The following PDE8A variants were observed in gnomAD, a reference collection of about 807,000 sequenced individuals.
PDE8A encodes the protein high affinity cAMP-specific and IBMX-insensitive 3',5'-cyclic phosphodiesterase 8A.
A neutral mutation model predicts 105.0 loss-of-function variants in PDE8A; 59 were observed. That is an observed-to-expected ratio of 0.56 (90% CI 0.46 to 0.70). PDE8A has a LOEUF of 0.70. Among genes scored for constraint, PDE8A ranks in the 30% least tolerant of loss-of-function variants. The pLI is 0.00. For missense variants in PDE8A, 1,014 were observed against 1,045.9 expected (o/e 0.97, Z 0.42); for synonymous variants, 355 against 371.9 (o/e 0.95, Z 0.52).
chr15:85,106,401 A>G (rs1307979347), intron 11 of PDE8A, among the ~76,000 whole-genome samples: 1 of 152,182 alleles, frequency 6.6e-6, no homozygotes, highest in Non-Finnish European at 1.5e-5. Flanking sequence ...TTCATGGACT[A>G]TACCTCATTC....
intron 20 of PDE8A, among the ~76,000 whole-genome samples, chr15:85,135,647 T>G (rs12324715): frequency 0.07 from 10,582 of 152,218 alleles, 769 homozygotes; most frequent in African/African-American, 0.17. Flanking sequence ...TTCTAAAGAA[T>G]GCACTCAGGA....
intron 11 of PDE8A, among the ~76,000 whole-genome samples, chr15:85,106,665 A>G (rs1382803587): frequency 2.0e-5 from 3 of 152,210 alleles, no homozygotes; most frequent in Non-Finnish European, 2.9e-5. Flanking sequence ...TGTCTCAGAC[A>G]GAAGGAGCCG....
intron 1 of PDE8A, among the ~76,000 whole-genome samples, chr15:85,051,810 A>G (rs2080978597): frequency 6.6e-6 from 1 of 152,090 alleles, no homozygotes. Context: ...TTATGGCTGC[A>G]CATACATGGC....
chr15:85,137,108 A>T (rs141552083), intron 21 of PDE8A, among the ~76,000 whole-genome samples: 40 of 152,224 alleles, frequency 2.6e-4, no homozygotes, highest in African/African-American at 9.6e-4. Context: ...CAAATAAAAG[A>T]ATATCGGAGA....
chr15:85,042,805 C>A (rs893994648), intron 1 of PDE8A, among the ~76,000 whole-genome samples: 3 of 152,172 alleles, frequency 2.0e-5, no homozygotes, highest in African/African-American at 7.2e-5. Flanking sequence ...TTAATCTTCA[C>A]AATCACTATT....
chr15:85,079,436 A>C (rs962088490), intron 5 of PDE8A, among the ~76,000 whole-genome samples: 1 of 152,218 alleles, frequency 6.6e-6, no homozygotes, highest in African/African-American at 2.4e-5. Context: ...ATAGTAAAGA[A>C]ATCTATGTCT....
chr15:84,989,015 A>G (rs1326097861), intron 1 of PDE8A, among the ~76,000 whole-genome samples: 2 of 152,198 alleles, frequency 1.3e-5, no homozygotes, highest in African/African-American at 4.8e-5. Flanking sequence ...AAGCTAAAAT[A>G]CCCTTAAGCC....
chr15:85,075,986 A>G lies in PDE8A; in HGVS notation c.491+68A>G, dbSNP rs2081374869. ...TAATACTTGCTCTTAACAGATGGCC[A>G]AATAACAGCTTGCATGCTGTGTCAG... is the stretch of plus-strand genomic sequence containing the variant. On this transcript the variant is annotated intron_variant, in intron 4 of 21. Coordinates refer to ENST00000394553, the MANE Select transcript of PDE8A (RefSeq NM_002605.3). 2.6e-5 allele frequency: 21 copies of G among 811,594 alleles called. No individual in the cohort carries two copies. The East Asian group carries it at 5.4e-4, about 21-fold the overall frequency. The allele number at this position is 811,594 out of a possible 1,614,324, so 50.3% of individuals were successfully genotyped here. A position where few individuals can be genotyped will look rare whatever the true frequency, so the allele number is the denominator to read the frequency against.
chr15:85,089,514 T>C lies in PDE8A; in HGVS notation c.714+98T>C, dbSNP rs150366778. On this transcript the variant is annotated intron_variant, in intron 7 of 21. Transcript: ENST00000394553. ...CCAATATGATTTTTTTTTTTCTTTT[T>C]GAAGTTTAGGAGACCAGTTTTTCCT... The C allele has an allele frequency of 3.0e-3, 1,874 of 629,524 alleles. 8 individuals are homozygous for C. The highest frequency in any genetic ancestry group is 0.014 in the Middle Eastern group (48 of 3,424). The allele number at this position is 629,524 out of a possible 1,614,324, so 39.0% of individuals were successfully genotyped here.
chr15:85,115,542 C>T, intron 15 of PDE8A, 55 bp downstream of exon 15: 2 of 858,042 alleles, frequency 2.3e-6, no homozygotes, highest in Non-Finnish European at 1.8e-6. Flanking sequence ...TGCAGTCTAG[C>T]TTAAGTGATG....
intron 2 of PDE8A, 92 bp downstream of exon 2, chr15:85,064,518 C>G (rs1187603558): frequency 1.3e-6 from 1 of 789,550 alleles, no homozygotes; most frequent in Non-Finnish European, 2.2e-6. Flanking sequence ...AATAGTCTTT[C>G]ATTTAGATAA....
intron 1 of PDE8A, among the ~76,000 whole-genome samples, chr15:85,047,923 A>G (rs999550687): frequency 6.6e-6 from 1 of 152,034 alleles, no homozygotes; most frequent in Non-Finnish European, 1.5e-5. Flanking sequence ...CTTTATATTT[A>G]TTTTCCTTAC....
chr15:85,100,279 C>A, intron 11 of PDE8A, 81 bp downstream of exon 11: 1 of 1,233,730 alleles, frequency 8.1e-7, no homozygotes, highest in Non-Finnish European at 1.2e-6. Context: ...ACTAGCTTGC[C>A]TGGTGTAATG....
chr15:85,095,874 A>ATATT (rs927936094), intron 8 of PDE8A, among the ~76,000 whole-genome samples: 3 of 99,592 alleles, frequency 3.0e-5, no homozygotes, highest in East Asian at 6.0e-4. Context: ...ATATATATAT[A>ATATT]TTTTTTTTAT....
At chr15:85,074,669 T>C (rs1177374209) in intron 3 of PDE8A, among the ~76,000 whole-genome samples, 1 of 152,246 alleles carries the variant, frequency 6.6e-6, no homozygotes, top group Non-Finnish European at 1.5e-5. Flanking sequence ...AATAGGAACC[T>C]GTCTCAAAAA....
chr15:85,109,179 C>A, intron 12 of PDE8A, 49 bp downstream of exon 12: 2 of 1,279,500 alleles, frequency 1.6e-6, no homozygotes, highest in Non-Finnish European at 2.3e-6. Context: ...CACTGTTGAA[C>A]ACATGGAGCC....
At chr15:85,070,472 A>G (rs941403968) in intron 3 of PDE8A, among the ~76,000 whole-genome samples, 3 of 152,216 alleles carry the variant, frequency 2.0e-5, no homozygotes, top group African/African-American at 4.8e-5. Context: ...AAGTGCCCGC[A>G]GAAGAGGTTT....
intron 1 of PDE8A, among the ~76,000 whole-genome samples, chr15:84,997,931 C>G (rs2080006726): frequency 6.6e-6 from 1 of 152,090 alleles, no homozygotes. Flanking sequence ...AAGATGGGTA[C>G]AATTTTATAA....
intron 1 of PDE8A, among the ~76,000 whole-genome samples, chr15:85,056,292 G>A (rs2081058981): frequency 6.6e-6 from 1 of 152,088 alleles, no homozygotes; most frequent in South Asian, 2.1e-4. Flanking sequence ...GTGTCTTGGA[G>A]TTGCTCTTCT....
Sources: gnomAD v4.1 joint callset for allele counts (sites outside exome capture counted in the v4.1 genomes callset) on GRCh38, gnomAD v4.1.1 for gene constraint, MANE v1.5 for transcripts, NCBI Gene and HGNC (gene_info 2026-07-23, HGNC 2026-07-21) for gene names.